The following FASTKD1 variants were observed in gnomAD, a reference collection of about 807,000 sequenced individuals.
FASTKD1 encodes the protein FAST kinase domain-containing protein 1, mitochondrial.
A neutral mutation model predicts 90.9 loss-of-function variants in FASTKD1; 94 were observed. The observed-to-expected ratio is 1.03, with a 90% confidence interval of 0.88 to 1.23. The LOEUF is 1.23. Among genes scored for constraint, FASTKD1 ranks in the 50% most tolerant of loss-of-function variants. The pLI is 0.00. For synonymous variants in FASTKD1, 319 were observed against 345.8 expected (o/e 0.92, Z 0.86); for missense variants, 945 against 993.5 (o/e 0.95, Z 0.66).
intron 12 of FASTKD1, among the ~76,000 whole-genome samples, chr2:169,536,200 T>G (rs1056635422): frequency 2.0e-5 from 3 of 152,206 alleles, no homozygotes; most frequent in Non-Finnish European, 4.4e-5. Flanking sequence ...TCTCAGTTAA[T>G]CCTATCAAGT....
In FASTKD1 at chr2:169,560,707, T is replaced by A. The variant is rs930412863; in HGVS notation, c.651A>T (p.Glu217Asp). The A allele has an allele frequency of 5.6e-6, 9 of 1,609,010 alleles. No individual in the cohort carries two copies. In the Admixed American group the frequency reaches 1.5e-4, roughly 27 times the overall value. ...AAGAATCTATGGTGTCAAAAAGAAGTTCTGTTTTGTTCACCAGTTGTTGTT... is the reference window on the plus strand; with the variant it reads ...AAGAATCTATGGTGTCAAAAAGAAGATCTGTTTTGTTCACCAGTTGTTGTT... ...HFQQQLVNKT[E>D]LLFDTIDSSE... The change falls in exon 5 of 15, where the codon GAA becomes GAT. Residue 217 changes from glutamate to aspartate, a missense_variant. Coordinates refer to ENST00000453153, the MANE Select transcript of FASTKD1 (RefSeq NM_024622.6).
chr2:169,540,134 G>T lies in FASTKD1; in HGVS notation c.1862C>A (p.Ala621Asp). Residue 621 changes from alanine (A) to aspartate (D), a missense_variant, in exon 10 of 15, where the codon GCC becomes GAC. Transcript: ENST00000453153. ...FILVFLGFSL[A>D]TLEYFPEDLL... ...ATCTTCTGGAAAATATTCAAGTGTGGCCAAAGAGAAACCAAGAAACACTAA... is the reference window on the plus strand; with the variant it reads ...ATCTTCTGGAAAATATTCAAGTGTGTCCAAAGAGAAACCAAGAAACACTAA... 1 of 1,605,426 alleles carries T rather than the reference G, an allele frequency of 6.2e-7. No homozygotes were observed. The highest frequency in any genetic ancestry group is 1.3e-5 in the African/African-American group (1 of 74,736).
chr2:169,565,210 G>A (rs1032456625), intron 3 of FASTKD1, among the ~76,000 whole-genome samples: 9 of 129,262 alleles, frequency 7.0e-5, no homozygotes, highest in Non-Finnish European at 1.1e-4. Flanking sequence ...CTCGGCCTCC[G>A]AAAGTGCTGG....
Position 169,571,831 on chromosome 2 carries a change from G to A in FASTKD1, c.199C>T (p.Gln67Ter). The change falls in exon 2 of 15, where the codon CAA (glutamine) becomes TAA (stop). Residue 67 changes from glutamine (Q) to a stop codon, truncating the protein, a stop_gained. Transcript: ENST00000453153. LOFTEE classifies it high-confidence loss of function. ...AGCATATCAAATGCACATCCCACTTGCTTTTCTGAAAGTATGGCTTTGTTT... is the reference window on the plus strand; with the variant it reads ...AGCATATCAAATGCACATCCCACTTACTTTTCTGAAAGTATGGCTTTGTTT... Reference protein sequence around the residue: ...ERNKAILSEKQVGCAFDMLWK... With the variant: ...ERNKAILSEK The A allele has an allele frequency of 4.3e-6, 7 of 1,613,984 alleles. No homozygotes were observed. The highest frequency in any genetic ancestry group is 5.1e-6 in the Non-Finnish European group (6 of 1,179,982).
rs368050093 is a variant in FASTKD1 at position 169,538,558 on chromosome 2, C to T, written c.1946-417G>A. Among the ~76,000 whole-genome samples the T allele has an allele frequency of 7.9e-5, 12 of 151,724 alleles. No individual in the cohort carries two copies. The South Asian group carries it at 2.5e-3, about 32-fold the overall frequency. ...AGGCATGGTGGTGCATGCCTGTAATCCCAGCTACTCAGGAGGCCAAGGCAG... is the reference window on the plus strand; with the variant it reads ...AGGCATGGTGGTGCATGCCTGTAATTCCAGCTACTCAGGAGGCCAAGGCAG... On this transcript the variant is annotated intron_variant, in intron 10 of 14. Coordinates refer to ENST00000453153, the MANE Select transcript of FASTKD1 (RefSeq NM_024622.6).
chr2:169,572,418 A>G (rs904842494), intron 1 of FASTKD1, among the ~76,000 whole-genome samples: 3 of 152,050 alleles, frequency 2.0e-5, no homozygotes, highest in African/African-American at 7.2e-5. Flanking sequence ...AAAGGAAAAA[A>G]AAAGCCCACA....
At chr2:169,555,097 TA>T (rs768223176) in intron 7 of FASTKD1, 26 bp downstream of exon 7, 17 of 1,594,684 alleles carry the variant, frequency 1.1e-5, no homozygotes, top group Middle Eastern at 1.7e-4. Context: ...AATGAAACAC[TA>T]AACAAAATTT....
In FASTKD1 at chr2:169,532,541, T is replaced by C. The variant is rs116466375; in HGVS notation, c.2189-1051A>G. Among the ~76,000 whole-genome samples, 1,055 of 151,764 alleles carry C rather than the reference T, an allele frequency of 7.0e-3. 15 individuals carry two copies. The highest frequency in any genetic ancestry group is 0.024 in the African/African-American group (1,011 of 41,426). On this transcript the variant is annotated intron_variant, in intron 12 of 14. Transcript: ENST00000453153. The stretch of plus-strand genomic sequence containing the variant: ...AAACCTAAAAAAAAAACCTAAAATC[T>C]AATCAAATCTCTAGATATCACTAAT...
intron 13 of FASTKD1, chr2:169,530,999 A>G (rs953819362): frequency 4.5e-6 from 3 of 663,742 alleles, no homozygotes; most frequent in Non-Finnish European, 5.6e-6. Flanking sequence ...AACACAGCTT[A>G]TAGTCTAACA....
At chr2:169,537,905 T>C in intron 11 of FASTKD1, 108 bp downstream of exon 11, 1 of 929,240 alleles carries the variant, frequency 1.1e-6, no homozygotes, top group South Asian at 1.8e-5. Flanking sequence ...GTCATGGCAC[T>C]CTTGGGAAGG....
At chr2:169,538,222 C>A (rs961032559) in intron 10 of FASTKD1, 81 bp from the exon 11 acceptor site, 5 of 1,157,180 alleles carry the variant, frequency 4.3e-6, no homozygotes, top group African/African-American at 1.6e-5. Flanking sequence ...TCATTTATCC[C>A]CACTATTAGT....
At chr2:169,566,989 C>A (rs1232087308) in intron 3 of FASTKD1, among the ~76,000 whole-genome samples, 1 of 152,028 alleles carries the variant, frequency 6.6e-6, no homozygotes, top group Non-Finnish European at 1.5e-5. Context: ...GTGGCAGGTG[C>A]CTGTAGTCCC....
rs985883741 is a variant in FASTKD1 at position 169,535,334 on chromosome 2, G to A, written c.2188+1893C>T. Among the ~76,000 whole-genome samples, 52 of 150,842 alleles carry A rather than the reference G, an allele frequency of 3.4e-4. 1 individual carries two copies. Among genetic ancestry groups the A allele is most frequent in the Admixed American group, 1.5e-3 (23 of 15,154 alleles). On this transcript the variant is annotated intron_variant, in intron 12 of 14. Coordinates refer to ENST00000453153, the MANE Select transcript of FASTKD1 (RefSeq NM_024622.6). ...TGGGACTACAGGGGCATGCCACCAT[G>A]CCTGATAATTATTTATTTATTTAGA...
chr2:169,530,140 A>C (rs1250505920), intron 14 of FASTKD1, among the ~76,000 whole-genome samples: 1 of 152,146 alleles, frequency 6.6e-6, no homozygotes, highest in East Asian at 1.9e-4. Flanking sequence ...TTTTCCTACA[A>C]TACCAATGAT....
chr2:169,530,814 TA>T, intron 13 of FASTKD1, 113 bp from the exon 14 acceptor site: 1 of 656,660 alleles, frequency 1.5e-6, no homozygotes, highest in Non-Finnish European at 2.7e-6. Flanking sequence ...CCAATGAATA[TA>T]AATGAGTATA....
Position 169,557,293 on chromosome 2 carries a change from T to A in FASTKD1, c.976A>T (p.Lys326Ter). 6.4e-7 allele frequency: 1 copy of A among 1,572,424 alleles called. No individual in the cohort carries two copies. The highest frequency in any genetic ancestry group is 1.4e-5 in the African/African-American group (1 of 72,530). Reference sequence around the variant, plus strand: ...TCTGACATCAATAACATAGTTGATTTAAGTCTAGAAGCAAAAAAAAAAAAG... The same window carrying A: ...TCTGACATCAATAACATAGTTGATTAAAGTCTAGAAGCAAAAAAAAAAAAG... Reference protein sequence around the residue: ...IAGPEEKKQLKSTMLLMSEDL... With the variant: ...IAGPEEKKQL The change falls in exon 6 of 15, where the codon AAA becomes TAA. Residue 326 changes from lysine (K) to a stop codon, truncating the protein, a stop_gained. Coordinates refer to ENST00000453153, the MANE Select transcript of FASTKD1 (RefSeq NM_024622.6). LOFTEE classifies it high-confidence loss of function.
chr2:169,553,495 C>T (rs186740760), intron 7 of FASTKD1, among the ~76,000 whole-genome samples: 114 of 152,216 alleles, frequency 7.5e-4, no homozygotes, highest in African/African-American at 2.5e-3. Flanking sequence ...CATCCTAATA[C>T]GCTAAATTCT....
At chr2:169,562,584 T>G (rs1208820438) in intron 4 of FASTKD1, among the ~76,000 whole-genome samples, 1 of 152,148 alleles carries the variant, frequency 6.6e-6, no homozygotes, top group African/African-American at 2.4e-5. Flanking sequence ...CATGATATAA[T>G]AATAATACCT....
At chr2:169,561,778 TTTA>T (rs1470439139) in intron 4 of FASTKD1, among the ~76,000 whole-genome samples, 5 of 134,258 alleles carry the variant, frequency 3.7e-5, no homozygotes, top group African/African-American at 5.6e-5. Flanking sequence ...TTGTAAATTA[TTTA>T]TTAATTTATT....
Sources: allele counts gnomAD v4.1 joint callset (sites outside exome capture counted in the v4.1 genomes callset), GRCh38; gene constraint gnomAD v4.1.1; transcripts MANE v1.5; gene names NCBI Gene and HGNC (gene_info 2026-07-23, HGNC 2026-07-21).